ST3GAL5: variants seen among roughly 807,000 people sequenced by gnomAD.
ST3GAL5 encodes the protein lactosylceramide alpha-2,3-sialyltransferase.
ST3GAL5 carries 25 observed loss-of-function variants against 46.1 expected under a neutral mutation model. The observed-to-expected ratio is 0.54, with a 90% CI of 0.40 to 0.76. The LOEUF (loss-of-function observed/expected upper bound fraction) is 0.76. Ranked by LOEUF, ST3GAL5 falls within the 30% of genes least tolerant of loss-of-function variation. The pLI, the probability that ST3GAL5 is intolerant of heterozygous loss-of-function variation, is 0.00. For synonymous variants in ST3GAL5, 182 were observed against 192.7 expected (o/e 0.94, Z 0.46); for missense variants, 431 against 521.2 (o/e 0.83, Z 1.69).
chr2:85,842,837 T>C (rs1245709875), intron 6 of ST3GAL5, among the ~76,000 whole-genome samples: 1 of 151,806 alleles, frequency 6.6e-6, no homozygotes, highest in Non-Finnish European at 1.5e-5. Context: ...TCTCGGCTCA[T>C]TGCAACCTCC....
chr2:85,861,428 G>A (rs920389047), intron 2 of ST3GAL5, 136 bp from the exon 3 acceptor site: 20 of 684,894 alleles, frequency 2.9e-5, no homozygotes, highest in African/African-American at 5.3e-5. Flanking sequence ...TGACATTGGG[G>A]TGAAAGGAAG....
intron 1 of ST3GAL5, among the ~76,000 whole-genome samples, chr2:85,880,520 C>G (rs1687028774): frequency 6.6e-6 from 1 of 152,036 alleles, no homozygotes; most frequent in Admixed American, 6.6e-5. Context: ...ACGCACTGTC[C>G]CTCCTTCAAA....
rs148420220 is a variant in ST3GAL5, at chr2:85,848,088, C to T, written c.435G>A (p.Val145=). The T allele has an allele frequency of 2.5e-6, 4 of 1,614,162 alleles. No individual in the cohort carries two copies. The African/African-American group carries it at 4.0e-5, about 16-fold the overall frequency. The part of the protein sequence containing the change: ...HRYSVDLLPF[V]QKAPKDSEAE... ...CTTCACTGTCTTTGGGGGCCTTCTG[C>T]ACAAAAGGGAGTAAGTCCACGCTAT... The change falls in exon 4 of 7, where the codon GTG becomes GTA. Residue 145 remains valine (V), a synonymous_variant. Coordinates refer to ENST00000638572, the MANE Select transcript of ST3GAL5 (RefSeq NM_003896.4).
intron 1 of ST3GAL5, among the ~76,000 whole-genome samples, chr2:85,875,161 G>A (rs1686394300): frequency 6.6e-6 from 1 of 152,102 alleles, no homozygotes; most frequent in Admixed American, 6.5e-5. Context: ...CTAGGCTCAA[G>A]TGATCCTTCT....
intron 4 of ST3GAL5, 87 bp downstream of exon 4, chr2:85,847,774 A>G (rs2103957580): frequency 6.6e-7 from 1 of 1,505,222 alleles, no homozygotes. Flanking sequence ...CAGCCTGGAC[A>G]ACAGGAGTGA....
At position 85,839,960 on chromosome 2, in the gene ST3GAL5, C is replaced by T. The variant is rs1030463175; in HGVS notation, c.*184G>A. The T allele has an allele frequency of 6.7e-6, 5 of 751,676 alleles. No individual in the cohort carries two copies. The highest frequency in any genetic ancestry group is 3.5e-5 in the African/African-American group (2 of 56,492). 46.6% of individuals were successfully genotyped at this position (751,676 alleles called of 1,614,324 possible). On this transcript the variant is annotated 3_prime_UTR_variant, in exon 7 of 7. Transcript: ENST00000638572. ...ACAAAATGGTGTGCAAAAACAAACA[C>T]TGACCTCAAATAAATAGGAAAAAAA...
At chr2:85,840,665 G>A in intron 6 of ST3GAL5, 1 of 475,508 alleles carries the variant, frequency 2.1e-6, no homozygotes, top group South Asian at 2.1e-5. Context: ...CCCCTTCTAG[G>A]CCAGGTGCGG....
intron 1 of ST3GAL5, among the ~76,000 whole-genome samples, chr2:85,866,790 G>A (rs1018348766): frequency 1.3e-5 from 2 of 152,162 alleles, no homozygotes; most frequent in Non-Finnish European, 2.9e-5. Flanking sequence ...CCAGAACTCT[G>A]TTCACCTTTG....
At chr2:85,856,915 T>C (rs981329881) in intron 3 of ST3GAL5, among the ~76,000 whole-genome samples, 1 of 150,540 alleles carries the variant, frequency 6.6e-6, no homozygotes, top group African/African-American at 2.4e-5. Context: ...GTGTTAATTA[T>C]ATCTCAATAA....
chr2:85,851,573 A>C, intron 3 of ST3GAL5: 1 of 1,289,446 alleles, frequency 7.8e-7, no homozygotes, highest in Non-Finnish European at 1.0e-6. Context: ...GGGCTTCCTC[A>C]GAGCTTGTCC....
chr2:85,853,042 C>G, intron 3 of ST3GAL5: 1 of 1,304,178 alleles, frequency 7.7e-7, no homozygotes, highest in South Asian at 1.2e-5. Context: ...CGGCTGAGTC[C>G]ATCTGGCCAT....
At chr2:85,856,892 T>C (rs1376793290) in intron 3 of ST3GAL5, among the ~76,000 whole-genome samples, 1 of 150,190 alleles carries the variant, frequency 6.7e-6, no homozygotes, top group African/African-American at 2.5e-5. Context: ...TTTAAATGGG[T>C]GAACTATGTG....
rs1558662964 is a variant in ST3GAL5, at chr2:85,852,796, T to C, written c.319-4592A>G. The stretch of plus-strand genomic sequence containing the variant: ...GAGGCTGGACTCAGTTCTAGATTGA[T>C]TTAACTAGCAGCGTCGTCTTTGTTA... On this transcript the variant is annotated intron_variant, in intron 3 of 6. Coordinates refer to ENST00000638572, the MANE Select transcript of ST3GAL5 (RefSeq NM_003896.4). The C allele has an allele frequency of 1.0e-5, 11 of 1,082,850 alleles. No homozygotes were observed. In the South Asian group the frequency reaches 1.3e-4, roughly 13 times the overall value. 67.1% of individuals were successfully genotyped at this position (1,082,850 alleles called of 1,614,324 possible). A position where few individuals can be genotyped will look rare whatever the true frequency, so the allele number is the denominator to read the frequency against.
At chr2:85,851,903 T>G (rs1683557327) in intron 3 of ST3GAL5, among the ~76,000 whole-genome samples, 1 of 152,238 alleles carries the variant, frequency 6.6e-6, no homozygotes, top group Admixed American at 6.5e-5. Flanking sequence ...GGTTTCAGTT[T>G]TTAACATCTT....
In ST3GAL5 at chr2:85,840,648, A is replaced by G. The variant is rs565421686; in HGVS notation, c.1009-256T>C. ...CTGACAATTCTTACACCAAGTTAAAAGGTATTCCCCTTCTAGGCCAGGTGC... is the reference window on the plus strand; with the variant it reads ...CTGACAATTCTTACACCAAGTTAAAGGGTATTCCCCTTCTAGGCCAGGTGC... On this transcript the variant is annotated intron_variant, in intron 6 of 6. Transcript: ENST00000638572. 65 of 511,392 alleles carry G rather than the reference A, an allele frequency of 1.3e-4. No individual in the cohort carries two copies. The South Asian group carries it at 1.3e-3, about 10-fold the overall frequency. The allele number at this position is 511,392 out of a possible 1,614,324, so 31.7% of individuals were successfully genotyped here.
At chr2:85,853,692 C>T (rs1683786848) in intron 3 of ST3GAL5, 1 of 153,946 alleles carries the variant, frequency 6.5e-6, no homozygotes, top group African/African-American at 2.4e-5. Flanking sequence ...AATTAAGGAG[C>T]TGCTTCGTGC....
chr2:85,846,865 T>A (rs1248893544), intron 4 of ST3GAL5: 1 of 305,116 alleles, frequency 3.3e-6, no homozygotes, highest in Non-Finnish European at 6.1e-6. Context: ...CAGTAAAATA[T>A]CCTCAGAAAT....
In ST3GAL5 at chr2:85,881,591, A is replaced by C. The variant is rs539796805; in HGVS notation, c.82+7233T>G. Among the ~76,000 whole-genome samples, 11 of 152,354 alleles carry C rather than the reference A, an allele frequency of 7.2e-5. No homozygotes were observed. The South Asian group carries it at 2.1e-3, about 29-fold the overall frequency. On this transcript the variant is annotated intron_variant, in intron 1 of 6. Coordinates refer to ENST00000638572, the MANE Select transcript of ST3GAL5 (RefSeq NM_003896.4). ...GTGACTCTTTTATGTTTTAGCAAAGAGACTGGCAGCATTTTGCCCCTGCCG... is the reference window on the plus strand; with the variant it reads ...GTGACTCTTTTATGTTTTAGCAAAGCGACTGGCAGCATTTTGCCCCTGCCG...
At chr2:85,865,969 A>G (rs1685246295) in intron 1 of ST3GAL5, 1 of 152,224 alleles carries the variant, frequency 6.6e-6, no homozygotes, top group Admixed American at 6.5e-5. Flanking sequence ...GTAGCAGGCA[A>G]GGGAAGGTGT....
Sources: allele counts gnomAD v4.1 joint callset (sites outside exome capture counted in the v4.1 genomes callset), GRCh38; gene constraint gnomAD v4.1.1; transcripts MANE v1.5; gene names NCBI Gene and HGNC (gene_info 2026-07-23, HGNC 2026-07-21).